TTC17: variants seen among roughly 807,000 people sequenced by gnomAD.
TTC17 encodes the protein tetratricopeptide repeat domain 17.
A neutral mutation model predicts 143.8 loss-of-function variants in TTC17; 58 were observed. The observed-to-expected ratio is 0.40, with a 90% CI of 0.33 to 0.50. The LOEUF (loss-of-function observed/expected upper bound fraction) is 0.50, where lower values mean the gene tolerates loss of function less well. Ranked by LOEUF, TTC17 falls within the 20% of genes least tolerant of loss-of-function variation. The probability of loss-of-function intolerance (pLI) is 0.49; values close to 1 mark genes in which losing one functional copy is unlikely to be tolerated. For synonymous variants in TTC17, 501 were observed against 497.8 expected, an observed-to-expected ratio of 1.01 and a Z score of -0.09; for missense variants, 1,273 against 1,392.5, an observed-to-expected ratio of 0.91 and a Z score of 1.37.
Position 43,469,144 on chromosome 11 carries a change from A to G in TTC17, c.3030+17879A>G, listed in dbSNP as rs185354790. On this transcript the variant is annotated intron_variant, in intron 21 of 23. Coordinates refer to ENST00000039989, the MANE Select transcript of TTC17 (RefSeq NM_018259.6). ...TACCCAGTGTATTAGTCATCTAGAA[A>G]TGAAAAACAAAACCCCAGTGAAATA... is the stretch of plus-strand genomic sequence containing the variant. Among the ~76,000 whole-genome samples, 110 of 152,346 alleles carry G rather than the reference A, an allele frequency of 7.2e-4. 1 individual carries two copies. The highest frequency in any genetic ancestry group is 1.3e-4 in the Non-Finnish European group (9 of 68,030).
At chr11:43,362,666 A>G (rs980310775) in intron 1 of TTC17, among the ~76,000 whole-genome samples, 2 of 152,188 alleles carry the variant, frequency 1.3e-5, no homozygotes, top group Admixed American at 1.3e-4. Context: ...GCTGAAGTGC[A>G]TGGTTACTCC....
In TTC17 at chr11:43,403,996, A is replaced by G. The variant is rs1752048119; in HGVS notation, c.1333-2A>G. 1 of 1,585,946 alleles carries G rather than the reference A, an allele frequency of 6.3e-7. No individual in the cohort carries two copies. Among genetic ancestry groups the G allele is most frequent in the Non-Finnish European group, 8.6e-7 (1 of 1,167,370 alleles). On this transcript the variant is annotated splice_acceptor_variant, in intron 10 of 23. Coordinates refer to ENST00000039989, the MANE Select transcript of TTC17 (RefSeq NM_018259.6). LOFTEE classifies it high-confidence loss of function. ...GATTGAACTTTTTGTTTCATTTTCT[A>G]GTTTGGTGAGGATTCATCAACCTCC...
At chr11:43,435,120 TAGA>T (rs1379528634) in intron 16 of TTC17, 1 of 152,106 alleles carries the variant, frequency 6.6e-6, no homozygotes, top group Non-Finnish European at 1.5e-5. Context: ...GATAGATAGA[TAGA>T]TAGATAGATC....
At chr11:43,381,650 A>G (rs750769344) in intron 2 of TTC17, among the ~76,000 whole-genome samples, 75 of 152,232 alleles carry the variant, frequency 4.9e-4, no homozygotes, top group Non-Finnish European at 9.4e-4. Flanking sequence ...TTTCCTGAAT[A>G]TCATTTTAGG....
rs574080948 is a variant in TTC17 at position 43,372,428 on chromosome 11, G to A, written c.160-6805G>A. Among the ~76,000 whole-genome samples the A allele has an allele frequency of 3.5e-4, 53 of 150,552 alleles. No homozygotes were observed. In the South Asian group the frequency reaches 8.2e-3, roughly 23 times the overall value. ...AGCTATTCTCCTGCCTCAGCCTCCC[G>A]AGTAGCTGGGATTACAGGTACCTAC... is the stretch of plus-strand genomic sequence containing the variant. On this transcript the variant is annotated intron_variant, in intron 1 of 23. Transcript: ENST00000039989.
chr11:43,359,926 C>G (rs1009105769), intron 1 of TTC17, among the ~76,000 whole-genome samples: 1 of 152,192 alleles, frequency 6.6e-6, no homozygotes, highest in African/African-American at 2.4e-5. Context: ...TTTGTAAATG[C>G]TGCTGATGCC....
intron 20 of TTC17, among the ~76,000 whole-genome samples, 170 bp downstream of exon 20, chr11:43,450,411 G>A (rs1947635218): frequency 2.0e-5 from 3 of 152,136 alleles, no homozygotes; most frequent in African/African-American, 7.2e-5. Context: ...TCAGGCCCTG[G>A]GACTGAGCTT....
intron 18 of TTC17, 175 bp downstream of exon 18, chr11:43,444,384 CATT>C: frequency 1.9e-6 from 1 of 524,504 alleles, no homozygotes; most frequent in Non-Finnish European, 3.0e-6. Context: ...AACTCTAAAA[CATT>C]ATGGAAATGC....
chr11:43,391,466 C>A lies in TTC17; in HGVS notation c.421C>A (p.Pro141Thr). ...TTCATTGCTTCTTTTTGATTTTAGT[C>A]CTGAAGATTATATAGACACAGAATC... ...YITLESKDIS[P>T]EDYIDTESPV... The change falls in exon 4 of 24, where the codon CCT becomes ACT. Residue 141 changes from proline to threonine, a missense_variant and splice_region_variant. Physicochemically the swap from Pro to Thr is conservative, Grantham distance 38. Around this residue, in one of 3 missense-constraint regions of TTC17, gnomAD observed 325 missense variants for 444.2 expected, o/e 0.73. Transcript: ENST00000039989. 2 of 1,565,148 alleles carry A rather than the reference C, an allele frequency of 1.3e-6. No individual in the cohort carries two copies. The highest frequency in any genetic ancestry group is 8.7e-7 in the Non-Finnish European group (1 of 1,147,246).
chr11:43,417,470 A>T (rs541160827), intron 16 of TTC17, among the ~76,000 whole-genome samples: 1 of 152,306 alleles, frequency 6.6e-6, no homozygotes, highest in South Asian at 2.1e-4. Context: ...CAAGAGAGTG[A>T]CAAGGCTTAC....
Position 43,359,061 on chromosome 11 carries a change from C to G in TTC17, c.107C>G (p.Ala36Gly). ...TTGCTGAGTGTGGCGGCACGAGGGG[C>G]CTTCGCCACCACGCACTGGGTCGTC... ...SALLSVAARG[A>G]FATTHWVVTE... The change falls in exon 1 of 24, where the codon GCC becomes GGC. Residue 36 changes from alanine to glycine, a missense_variant. Coordinates refer to ENST00000039989, the MANE Select transcript of TTC17 (RefSeq NM_018259.6). 6.3e-7 allele frequency: 1 copy of G among 1,591,270 alleles called. No homozygotes were observed. The highest frequency in any genetic ancestry group is 1.4e-5 in the African/African-American group (1 of 73,188).
chr11:43,375,101 AG>A (rs1856713643), intron 1 of TTC17, among the ~76,000 whole-genome samples: 1 of 152,244 alleles, frequency 6.6e-6, no homozygotes, highest in Non-Finnish European at 1.5e-5. Context: ...AACAAGGATC[AG>A]TTTTTCTGTT....
At chr11:43,371,413 C>G (rs1005169311) in intron 1 of TTC17, among the ~76,000 whole-genome samples, 1 of 152,172 alleles carries the variant, frequency 6.6e-6, no homozygotes, top group Non-Finnish European at 1.5e-5. Flanking sequence ...GCCAGAGTGG[C>G]TCACAGAACT....
At chr11:43,363,435 C>G (rs1856196872) in intron 1 of TTC17, among the ~76,000 whole-genome samples, 1 of 152,130 alleles carries the variant, frequency 6.6e-6, no homozygotes, top group African/African-American at 2.4e-5. Context: ...GAAATGTTAC[C>G]AGTTTGTTAG....
At chr11:43,405,757 A>G (rs1297411061) in intron 12 of TTC17, 29 bp from the exon 13 acceptor site, 2 of 1,612,654 alleles carry the variant, frequency 1.2e-6, no homozygotes, top group East Asian at 2.2e-5. Flanking sequence ...CTTTGAAAAT[A>G]TGAATCTTGT....
intron 2 of TTC17, among the ~76,000 whole-genome samples, chr11:43,388,400 GAGAGTA>G (rs1189320593): frequency 9.5e-6 from 1 of 105,620 alleles, no homozygotes; most frequent in Admixed American, 8.9e-5. Flanking sequence ...AATATTTTAG[GAGAGTA>G]AGAGTAATGT....
Position 43,389,643 on chromosome 11 carries a change from T to A in TTC17, c.250-9T>A. Reference sequence around the variant, plus strand: ...AGAATCCATTCTGTTCTTACTTTCTTCTCAACAGAAACAATTAGTTGCTCA... The same window carrying A: ...AGAATCCATTCTGTTCTTACTTTCTACTCAACAGAAACAATTAGTTGCTCA... On this transcript the variant is annotated splice_polypyrimidine_tract_variant and intron_variant, in intron 2 of 23. Transcript: ENST00000039989. The A allele has an allele frequency of 6.2e-7, 1 of 1,601,102 alleles. No homozygotes were observed.
chr11:43,403,393 TTATC>T (rs1334904517), intron 10 of TTC17, among the ~76,000 whole-genome samples: 7 of 152,180 alleles, frequency 4.6e-5, no homozygotes, highest in African/African-American at 1.7e-4. Context: ...CCCATTCTCA[TTATC>T]TAGCAAGGTT....
intron 21 of TTC17, among the ~76,000 whole-genome samples, chr11:43,475,765 A>G (rs1216791473): frequency 2.0e-5 from 3 of 152,204 alleles, no homozygotes; most frequent in Admixed American, 6.5e-5. Flanking sequence ...GAGCATATCA[A>G]ATTTGGGATT....
Sources: gnomAD v4.1 joint callset for allele counts (sites outside exome capture counted in the v4.1 genomes callset) on GRCh38, gnomAD v4.1.1 for gene constraint, gnomAD v4.1.1 regional missense constraint, MANE v1.5 for transcripts, NCBI Gene and HGNC (gene_info 2026-07-23, HGNC 2026-07-21) for gene names.